The following EHD2 variants were observed in gnomAD, a reference collection of about 807,000 sequenced individuals.
EHD2 encodes EH domain-containing protein 2.
A neutral mutation model predicts 41.0 loss-of-function variants in EHD2; 27 were observed. The ratio of observed to expected loss-of-function variants is 0.66; its 90% CI spans 0.49 to 0.91. The LOEUF is 0.91. Ranked by LOEUF, EHD2 falls within the 40% of genes least tolerant of loss-of-function variation. EHD2 has a pLI of 0.00. For missense variants in EHD2, 673 were observed against 773.9 expected (o/e 0.87, Z 1.55); for synonymous variants, 342 against 341.0 (o/e 1.00, Z -0.03).
chr19:47,720,072 A>G (rs1276170051), intron 3 of EHD2, among the ~76,000 whole-genome samples: 2 of 151,302 alleles, frequency 1.3e-5, no homozygotes, highest in Admixed American at 1.3e-4. Flanking sequence ...CATTGTGGCC[A>G]TGGCTCTGAG....
intron 4 of EHD2, chr19:47,733,075 C>A (rs965882330): frequency 3.0e-5 from 4 of 132,808 alleles, no homozygotes; most frequent in African/African-American, 1.0e-4. Context: ...AGAGTGAAAC[C>A]CCATCTCAAA....
intron 4 of EHD2, among the ~76,000 whole-genome samples, chr19:47,732,480 G>A (rs1568592184): frequency 2.0e-5 from 3 of 151,918 alleles, no homozygotes; most frequent in Non-Finnish European, 4.4e-5. Context: ...GTGCAGTGGC[G>A]ACATCATAGC....
intron 4 of EHD2, among the ~76,000 whole-genome samples, chr19:47,732,488 A>G (rs1966883188): frequency 6.6e-6 from 1 of 152,004 alleles, no homozygotes; most frequent in African/African-American, 2.4e-5. Context: ...GCGACATCAT[A>G]GCTCACTTCA....
Position 47,741,295 on chromosome 19 carries a change from G to T in EHD2, c.1495G>T (p.Gly499Cys). Reference protein sequence around the residue: ...IWKLSDVDRDGMLDDEEFALA... With the variant: ...IWKLSDVDRDCMLDDEEFALA... The stretch of plus-strand genomic sequence containing the variant: ...GAAGCTCAGCGATGTGGACCGCGAC[G>T]GCATGCTGGATGATGAGGAGTTCGC... The change falls in exon 6 of 6, where the codon GGC becomes TGC. Residue 499 changes from glycine to cysteine, a missense_variant. Transcript: ENST00000263277. The surrounding 1 kb of genome is among the most constrained non-coding windows in gnomAD (Gnocchi z 4.5). 6.2e-7 allele frequency: 1 copy of T among 1,613,988 alleles called. No individual in the cohort carries two copies. Among genetic ancestry groups the T allele is most frequent in the South Asian group, 1.1e-5 (1 of 91,088 alleles).
intron 5 of EHD2, among the ~76,000 whole-genome samples, chr19:47,737,876 C>CTTTTTTTT (rs1226699986): frequency 2.0e-5 from 2 of 100,054 alleles, no homozygotes; most frequent in Non-Finnish European, 4.0e-5. Flanking sequence ...GCCTGGCTAG[C>CTTTTTTTT]TTTTTTTTTT....
chr19:47,719,999 CATT>C lies in EHD2; in HGVS notation c.502+1396_502+1398del, dbSNP rs1262456100. On this transcript the variant is annotated intron_variant, in intron 3 of 5. Transcript: ENST00000263277. This position sits in a 1 kb window ranked among gnomAD's most constrained non-coding sequence, Gnocchi z 4.1. ...TTGTGTATATCTTGGGAAAGTGTGT[CATT>C]ATGAGTGTACTCCTGGGTGTGGTGG... Among the ~76,000 whole-genome samples, 15 of 143,060 alleles carry C rather than the reference CATT, an allele frequency of 1.0e-4. No homozygotes were observed. Among genetic ancestry groups the C allele is most frequent in the African/African-American group, 2.8e-4 (10 of 35,954 alleles). The allele number at this position is 143,060 out of a possible 152,430, so 93.9% of individuals were successfully genotyped here.
chr19:47,718,647 T>C (rs746667239), intron 3 of EHD2, 41 bp downstream of exon 3: 2 of 1,510,854 alleles, frequency 1.3e-6, no homozygotes, highest in East Asian at 2.6e-5. Flanking sequence ...GAGGAGGGGC[T>C]GGGGCCTGGA....
At chr19:47,722,723 A>T (rs1412608896) in intron 3 of EHD2, among the ~76,000 whole-genome samples, 3 of 151,748 alleles carry the variant, frequency 2.0e-5, no homozygotes, top group Non-Finnish European at 4.4e-5. Flanking sequence ...CCACCACCAC[A>T]CCCAGCTAAT....
chr19:47,736,565 G>T, intron 5 of EHD2, 32 bp downstream of exon 5: 1 of 1,549,652 alleles, frequency 6.5e-7, no homozygotes, highest in Non-Finnish European at 8.7e-7. Context: ...AATGTTGGGG[G>T]TGGGTGATGG....
At chr19:47,736,589 T>C (rs894639934) in intron 5 of EHD2, 56 bp downstream of exon 5, 1 of 1,515,802 alleles carries the variant, frequency 6.6e-7, no homozygotes, top group Non-Finnish European at 8.8e-7. Flanking sequence ...GGTTGGTTTC[T>C]GGAAGCTCTG....
In EHD2 at chr19:47,725,881, C is replaced by G. The variant is rs769487418; in HGVS notation, c.572C>G (p.Ala191Gly). Residue 191 changes from alanine (A) to glycine (G), a missense_variant, in exon 4 of 6, where the codon GCG becomes GGG. Coordinates refer to ENST00000263277, the MANE Select transcript of EHD2 (RefSeq NM_014601.4). ...RVDLIILLFD[A>G]HKLEISDEFS... Reference sequence around the variant, plus strand: ...GACCTCATCATCCTGCTCTTTGATGCGCACAAGCTGGAGATCTCGGACGAG... The same window carrying G: ...GACCTCATCATCCTGCTCTTTGATGGGCACAAGCTGGAGATCTCGGACGAG... The G allele has an allele frequency of 1.2e-6, 2 of 1,613,198 alleles. No homozygotes were observed. Among genetic ancestry groups the G allele is most frequent in the Non-Finnish European group, 8.5e-7 (1 of 1,179,310 alleles).
chr19:47,728,744 A>G (rs1300706086), intron 4 of EHD2, among the ~76,000 whole-genome samples: 1 of 150,760 alleles, frequency 6.6e-6, no homozygotes, highest in African/African-American at 2.4e-5. Flanking sequence ...AATTTTTTGT[A>G]TTTTTAGTGG....
intron 4 of EHD2, chr19:47,731,281 TATA>T (rs1973808770): frequency 1.9e-5 from 1 of 52,036 alleles, no homozygotes; most frequent in Non-Finnish European, 3.9e-5. Context: ...AAAAAAAAAA[TATA>T]TATATATATA....
intron 4 of EHD2, chr19:47,732,877 A>T (rs2123654007): frequency 6.6e-6 from 1 of 152,226 alleles, no homozygotes; most frequent in South Asian, 2.1e-4. Context: ...TGAGATCAGG[A>T]GTTCAAGACC....
chr19:47,740,614 C>T (rs995373015), intron 5 of EHD2, among the ~76,000 whole-genome samples: 8 of 151,956 alleles, frequency 5.3e-5, no homozygotes, highest in East Asian at 1.9e-4. Context: ...GGCATGGTGG[C>T]GCATGCCTGT....
At chr19:47,740,718 G>A (rs549889528) in intron 5 of EHD2, among the ~76,000 whole-genome samples, 163 bp from the exon 6 acceptor site, 5 of 152,162 alleles carry the variant, frequency 3.3e-5, no homozygotes, top group African/African-American at 1.2e-4. Context: ...TTGCACTCCA[G>A]CCTGGGCAAC....
chr19:47,716,439 A>G, intron 1 of EHD2, 119 bp from the exon 2 acceptor site: 3 of 647,876 alleles, frequency 4.6e-6, no homozygotes, highest in Non-Finnish European at 7.3e-6. Flanking sequence ...TTGTGACCAC[A>G]AATATCTGTG....
chr19:47,726,064 TCTACATCG>T lies in EHD2; in HGVS notation c.756_763del (p.Tyr253LeufsTer100). 1 of 1,583,276 alleles carries T rather than the reference TCTACATCG, an allele frequency of 6.3e-7. No individual in the cohort carries two copies. The highest frequency in any genetic ancestry group is 2.3e-5 in the East Asian group (1 of 43,014). ...GTGGGCACGCCCGAGGTGCTGCGCG[TCTACATCG>T]GCTCCTTCTGGTCCCAGCCCCTCCT... On this transcript the variant is annotated frameshift_variant, in exon 4 of 6. Coordinates refer to ENST00000263277, the MANE Select transcript of EHD2 (RefSeq NM_014601.4). LOFTEE classifies it high-confidence loss of function.
intron 2 of EHD2, 118 bp from the exon 3 acceptor site, chr19:47,718,391 T>C: frequency 1.2e-6 from 1 of 824,102 alleles, no homozygotes; most frequent in Non-Finnish European, 1.9e-6. Context: ...GTCCGGTGTC[T>C]TTCTTCGCCC....
Sources: gnomAD v4.1 joint callset for allele counts (sites outside exome capture counted in the v4.1 genomes callset) on GRCh38, gnomAD v4.1.1 for gene constraint, Gnocchi (gnomAD v3.1) non-coding constraint, MANE v1.5 for transcripts, NCBI Gene and HGNC (gene_info 2026-07-23, HGNC 2026-07-21) for gene names.